TP63: variants seen among roughly 807,000 people sequenced by gnomAD.
The protein encoded by TP63 is tumor protein p63.
In TP63, 17 loss-of-function variants were observed where a neutral mutation model predicts 82.8. That is an observed-to-expected ratio of 0.21 (90% CI 0.14 to 0.31). The LOEUF (loss-of-function observed/expected upper bound fraction) is 0.31. Ranked by LOEUF, TP63 falls within the 10% of genes least tolerant of loss-of-function variation. TP63 has a pLI of 1.00. For missense variants in TP63, 648 were observed against 895.3 expected (o/e 0.72, Z 3.52); for synonymous variants, 330 against 321.7 (o/e 1.03, Z -0.28).
At chr3:189,606,530 T>C in the TP63 span, among the ~76,000 whole-genome samples, 7 of 112,476 alleles carry the variant, frequency 6.2e-5, no homozygotes, top group Non-Finnish European at 1.2e-4. Flanking sequence ...TTTTTTTTTT[T>C]TGAGACAGAG....
chr3:189,815,386 C>T (rs939385575), intron 4 of TP63, among the ~76,000 whole-genome samples: 3 of 151,864 alleles, frequency 2.0e-5, no homozygotes, highest in Non-Finnish European at 2.9e-5. Flanking sequence ...ATAAATGAGC[C>T]GAATGATAAG....
rs376820200 is a variant in TP63 at position 189,797,277 on chromosome 3, C to A, written c.325-10995C>A. 3.3e-4 allele frequency among the ~76,000 whole-genome samples: 50 copies of A among 152,182 alleles called. 1 individual carries two copies. The highest frequency in any genetic ancestry group is 1.2e-3 in the African/African-American group (49 of 41,550). The stretch of plus-strand genomic sequence containing the variant: ...TGGAAACACTACAAAAGAAATAGTT[C>A]TACTTTCTTATTGGTGCTAAAGCCA... On this transcript the variant is annotated intron_variant, in intron 3 of 13. Coordinates refer to ENST00000264731, the MANE Select transcript of TP63 (RefSeq NM_003722.5).
the TP63 span, among the ~76,000 whole-genome samples, chr3:189,626,123 C>T: frequency 2.0e-5 from 3 of 152,208 alleles, no homozygotes; most frequent in East Asian, 5.8e-4. Context: ...ATTCGAATAC[C>T]ATTCAGTTTA....
intron 1 of TP63, among the ~76,000 whole-genome samples, chr3:189,664,008 C>T (rs921074785): frequency 2.6e-5 from 4 of 152,056 alleles, no homozygotes; most frequent in African/African-American, 7.2e-5. Flanking sequence ...AATTAACTTC[C>T]AAAACATTTT....
chr3:189,598,049 A>G, the TP63 span, among the ~76,000 whole-genome samples: 2 of 152,240 alleles, frequency 1.3e-5, no homozygotes, highest in African/African-American at 4.8e-5. Context: ...AAAATACTGA[A>G]ATGAACTTAT....
At chr3:189,675,311 A>G (rs758908914) in intron 1 of TP63, among the ~76,000 whole-genome samples, 1 of 152,054 alleles carries the variant, frequency 6.6e-6, no homozygotes, top group African/African-American at 2.4e-5. Context: ...AAACATTAAG[A>G]TCATAGCAAG....
At chr3:189,808,575 G>A in intron 4 of TP63, 49 bp downstream of exon 4, 1 of 1,609,138 alleles carries the variant, frequency 6.2e-7, no homozygotes, top group Non-Finnish European at 8.5e-7. Context: ...TCCAAGGATG[G>A]GCTTCACCAC....
intron 4 of TP63, among the ~76,000 whole-genome samples, chr3:189,836,423 G>A (rs1161000005): frequency 1.3e-5 from 2 of 152,086 alleles, no homozygotes; most frequent in East Asian, 3.9e-4. Flanking sequence ...TGCTAGCCTT[G>A]GAAAGTATAA....
chr3:189,739,009 A>T (rs1720793503), intron 3 of TP63: 1 of 574,008 alleles, frequency 1.7e-6, no homozygotes, highest in Admixed American at 3.0e-5. Flanking sequence ...GATTCTTTAC[A>T]TCTTTTATCT....
intron 3 of TP63, among the ~76,000 whole-genome samples, chr3:189,747,397 T>C (rs1011617091): frequency 1.2e-4 from 18 of 151,958 alleles, no homozygotes; most frequent in Admixed American, 1.1e-3. Flanking sequence ...TACATCAAGT[T>C]TCTTCATAGA....
At chr3:189,839,479 G>C (rs867043919) in intron 4 of TP63, among the ~76,000 whole-genome samples, 2 of 152,148 alleles carry the variant, frequency 1.3e-5, no homozygotes, top group Admixed American at 1.3e-4. Flanking sequence ...TTAAGTTCCA[G>C]TATTGAAACA....
chr3:189,701,522 C>CATATATATATAT (rs35031313), intron 1 of TP63, among the ~76,000 whole-genome samples: 83 of 136,754 alleles, frequency 6.1e-4, no homozygotes, highest in African/African-American at 2.2e-3. Flanking sequence ...GATATATATA[C>CATATATATATAT]ATATATATAT....
intron 1 of TP63, among the ~76,000 whole-genome samples, chr3:189,658,300 A>G (rs1251677522): frequency 2.0e-5 from 3 of 152,086 alleles, no homozygotes; most frequent in African/African-American, 7.2e-5. Flanking sequence ...AATATAGGAG[A>G]ATAGAAATAC....
chr3:189,878,165 A>C (rs1200367214), intron 10 of TP63, among the ~76,000 whole-genome samples: 2 of 152,198 alleles, frequency 1.3e-5, no homozygotes, highest in Non-Finnish European at 2.9e-5. Flanking sequence ...AGAAGCAGGC[A>C]GTATTTTCAG....
intron 10 of TP63, among the ~76,000 whole-genome samples, chr3:189,882,249 G>C (rs949749170): frequency 6.6e-6 from 1 of 151,934 alleles, no homozygotes; most frequent in Non-Finnish European, 1.5e-5. Flanking sequence ...CCTTTTTTAA[G>C]TAAGTTTTTA....
chr3:189,796,343 C>T (rs1299308620), intron 3 of TP63, among the ~76,000 whole-genome samples: 3 of 151,864 alleles, frequency 2.0e-5, no homozygotes, highest in Non-Finnish European at 2.9e-5. Context: ...CCTCCCTTTC[C>T]ACAGCCTCCT....
the TP63 span, among the ~76,000 whole-genome samples, chr3:189,617,435 C>T: frequency 1.3e-5 from 2 of 152,186 alleles, no homozygotes; most frequent in Non-Finnish European, 1.5e-5. Flanking sequence ...TCTATGGCTA[C>T]CTGTCCTGTA....
intron 1 of TP63, among the ~76,000 whole-genome samples, chr3:189,726,458 A>G (rs1719784826): frequency 6.6e-6 from 1 of 152,160 alleles, no homozygotes; most frequent in African/African-American, 2.4e-5. Context: ...CAAATGGAGT[A>G]TGTGTGAAAG....
At position 189,689,098 on chromosome 3, in the gene TP63, C is replaced by CTTTTTTTT. The variant is rs1383931117; in HGVS notation, c.63-48637_63-48636insTTTTTTTT. 6.1e-3 allele frequency among the ~76,000 whole-genome samples: 516 copies of CTTTTTTTT among 85,146 alleles called. 187 individuals are homozygous for CTTTTTTTT. The highest frequency in any genetic ancestry group is 8.6e-3 in the East Asian group (18 of 2,102). 55.9% of individuals were successfully genotyped at this position (85,146 alleles called of 152,430 possible). Reference sequence around the variant, plus strand: ...CAGAGTGGCCAGCATTCAAATCTACCTTTTTCTTTTTTTTTTTTTTTTTTT... The same window carrying CTTTTTTTT: ...CAGAGTGGCCAGCATTCAAATCTACCTTTTTTTTTTTTTCTTTTTTTTTTTTTTTTTTT... On this transcript the variant is annotated intron_variant, in intron 1 of 13. Coordinates refer to ENST00000264731, the MANE Select transcript of TP63 (RefSeq NM_003722.5).
Sources: allele counts gnomAD v4.1 joint callset (sites outside exome capture counted in the v4.1 genomes callset), GRCh38; gene constraint gnomAD v4.1.1; transcripts MANE v1.5; gene names NCBI Gene and HGNC (gene_info 2026-07-23, HGNC 2026-07-21).